The following MUC6 variants were observed in gnomAD, a reference collection of about 807,000 sequenced individuals.
MUC6 encodes mucin 6, oligomeric mucus/gel-forming (gene/pseudogene).
Under a neutral mutation model 201.5 loss-of-function variants are expected in MUC6, and 188 were observed. The observed-to-expected ratio is 0.93, with a 90% CI of 0.83 to 1.05. The LOEUF is 1.05. Among genes scored for constraint, MUC6 ranks in the 50% least tolerant of loss-of-function variants. The probability of loss-of-function intolerance (pLI) is 0.00; values close to 1 mark genes in which losing one functional copy is unlikely to be tolerated. For missense variants in MUC6, 2,706 were observed against 3,256.9 expected (o/e 0.83, Z 4.12); for synonymous variants, 1,228 against 1,389.4 (o/e 0.88, Z 2.58).
intron 2 of MUC6, among the ~76,000 whole-genome samples, chr11:1,032,542 T>C (rs1285783257): frequency 6.7e-6 from 1 of 148,992 alleles, no homozygotes; most frequent in Non-Finnish European, 1.5e-5. Context: ...GTCTCAGGTG[T>C]GTAGGGTGTG....
chr11:1,020,066 T>C (rs1382822505), intron 29 of MUC6, 24 bp downstream of exon 29: 1 of 1,611,484 alleles, frequency 6.2e-7, no homozygotes, highest in African/African-American at 1.3e-5. Context: ...GCCCTCTCCA[T>C]GGGCTCAGCT....
chr11:1,031,564 G>T, intron 4 of MUC6, 43 bp downstream of exon 4: 1 of 1,536,902 alleles, frequency 6.5e-7, no homozygotes. Context: ...CTGCCCCCCC[G>T]TGCTGCGGGT....
At chr11:1,025,114 G>A in intron 23 of MUC6, 31 bp from the exon 24 acceptor site, 1 of 1,612,262 alleles carries the variant, frequency 6.2e-7, no homozygotes, top group Non-Finnish European at 8.5e-7. Context: ...CCGGGCCCAG[G>A]GGCCGTGCCA....
rs777266571 is a variant in MUC6 at position 1,026,419 on chromosome 11, G to A, written c.2454C>T (p.Asp818=). ...VCAEGLYENA[D]GQCVPPEECP... ...ACTCCTCGGGGGGCACACACTGCCC[G>A]TCGGCATTCTCGTAGAGGCCCTCGG... The change falls in exon 20 of 33, where the codon GAC becomes GAT. Residue 818 remains aspartate (D), a synonymous_variant. Transcript: ENST00000421673. 1.3e-5 allele frequency: 21 copies of A among 1,608,540 alleles called. No individual in the cohort carries two copies. Among genetic ancestry groups the A allele is most frequent in the East Asian group, 1.1e-4 (5 of 44,816 alleles).
At chr11:1,035,221 G>A (rs769450834) in intron 1 of MUC6, among the ~76,000 whole-genome samples, 15 of 152,294 alleles carry the variant, frequency 9.8e-5, no homozygotes, top group South Asian at 2.1e-4. Context: ...CTGGGGTGAC[G>A]GGTGGACACC....
rs370925897 is a variant in MUC6, at chr11:1,019,419, C to T, written c.3886G>A (p.Ala1296Thr). The T allele has an allele frequency of 1.9e-6, 3 of 1,613,712 alleles. No homozygotes were observed. Among genetic ancestry groups the T allele is most frequent in the African/African-American group, 1.3e-5 (1 of 74,848 alleles). Residue 1296 changes from alanine (A) to threonine (T), a missense_variant, in exon 30 of 33, where the codon GCC (alanine) becomes ACC (threonine). Physicochemically the swap from Ala to Thr is moderately conservative, Grantham distance 58. Coordinates refer to ENST00000421673, the MANE Select transcript of MUC6 (RefSeq NM_005961.3). ...LPPTATLRST[A>T]TKPTVTQATT... is the part of the protein sequence containing the mutation. ...GCCTGGGTCACTGTGGGTTTTGTGG[C>T]TGTCGATCTCAGTGTGGCTGTGGGA...
intron 11 of MUC6, 37 bp downstream of exon 11, chr11:1,029,009 G>A (rs1857034461): frequency 1.9e-6 from 3 of 1,612,214 alleles, no homozygotes; most frequent in Non-Finnish European, 2.5e-6. Context: ...AGGGAGCGGA[G>A]CCCTGCTGGC....
chr11:1,016,305 C>G lies in MUC6; in HGVS notation c.6496G>C (p.Val2166Leu), dbSNP rs371279050. 9 of 1,610,690 alleles carry G rather than the reference C, an allele frequency of 5.6e-6. No individual in the cohort carries two copies. In the Admixed American group the frequency reaches 1.3e-4, roughly 24 times the overall value. ...GTTGTGGAGTGCACGGGGGCGGACA[C>G]GAAAGAGGAAGATGTGCCAACAGAA... ...SPSVGTSSSF[V>L]SAPVHSTTLS... The change falls in exon 31 of 33, where the codon GTG (valine) becomes CTG (leucine). Residue 2166 changes from valine to leucine, a missense_variant. Transcript: ENST00000421673.
At chr11:1,029,401 C>A (rs1857048703) in intron 9 of MUC6, 35 bp from the exon 10 acceptor site, 1 of 1,592,968 alleles carries the variant, frequency 6.3e-7, no homozygotes, top group Non-Finnish European at 8.5e-7. Flanking sequence ...GCATGGTGGG[C>A]AGGGCCGCTG....
Position 1,017,879 on chromosome 11 carries a change from G to A in MUC6, c.4922C>T (p.Thr1641Ile), listed in dbSNP as rs755141265. ...TGGCATTGAGTGGATGGAGGCAGAA[G>A]TGGCCATCTGTGCATGGGTAGGGGT... ...VITPTHAQMA[T>I]SASIHSMPTG... Residue 1641 changes from threonine to isoleucine, a missense_variant, in exon 31 of 33, where the codon ACT (threonine) becomes ATT (isoleucine). Physicochemically the swap from Thr to Ile is moderately conservative, Grantham distance 89. Coordinates refer to ENST00000421673, the MANE Select transcript of MUC6 (RefSeq NM_005961.3). 8.1e-6 allele frequency: 13 copies of A among 1,614,040 alleles called. No homozygotes were observed. In the African/African-American group the frequency reaches 1.3e-4, roughly 17 times the overall value.
intron 26 of MUC6, among the ~76,000 whole-genome samples, chr11:1,022,676 T>G (rs1856843407): frequency 6.6e-6 from 1 of 152,234 alleles, no homozygotes; most frequent in Non-Finnish European, 1.5e-5. Flanking sequence ...GTTTGTTTTG[T>G]GTAAGGCCAG....
chr11:1,020,801 G>T, intron 27 of MUC6, 67 bp from the exon 28 acceptor site: 1 of 1,572,482 alleles, frequency 6.4e-7, no homozygotes, highest in South Asian at 1.1e-5. Flanking sequence ...GCCTCTGGGA[G>T]CTCCGAGGGC....
At position 1,019,325 on chromosome 11, in the gene MUC6, G is replaced by A. The variant is rs745956631; in HGVS notation, c.3980C>T (p.Thr1327Ile). 16 of 1,614,054 alleles carry A rather than the reference G, an allele frequency of 9.9e-6. No individual in the cohort carries two copies. The highest frequency in any genetic ancestry group is 1.4e-5 in the Non-Finnish European group (16 of 1,179,906). The change falls in exon 30 of 33, where the codon ACC becomes ATC. Residue 1327 changes from threonine to isoleucine, a missense_variant. This residue lies in a region of MUC6 where 1,850 missense variants were observed against 1,958.3 expected (regional missense o/e 0.94). Coordinates refer to ENST00000421673, the MANE Select transcript of MUC6 (RefSeq NM_005961.3). ...GGCTGGGGTTGGTAGTGTCATTGTG[G>A]TCCGTGTTGTGGACTGAGCTGTGGA... ...TTSTAQSTTRTTMTLPTPATS... is the reference protein window; with the variant it reads ...TTSTAQSTTRITMTLPTPATS...
intron 26 of MUC6, among the ~76,000 whole-genome samples, 181 bp from the exon 27 acceptor site, chr11:1,021,458 C>T (rs912770816): frequency 4.6e-5 from 7 of 151,734 alleles, no homozygotes; most frequent in Middle Eastern, 3.4e-3. Flanking sequence ...GCAACCTCTG[C>T]CTCCTGGATT....
At position 1,026,359 on chromosome 11, in the gene MUC6, T is replaced by A. The variant is rs772981562; in HGVS notation, c.2514A>T (p.Gly838=). ...TGCAGTCAGTGTGGAGCTCAGCTCC[T>A]CCAGGGTAGGAGACCCCCGAGAACT... ...PCEFSGVSYP[G]GAELHTDCRT... The change falls in exon 20 of 33, where the codon GGA becomes GGT. Residue 838 remains glycine, a synonymous_variant. Transcript: ENST00000421673. 2.5e-6 allele frequency: 4 copies of A among 1,598,908 alleles called. No homozygotes were observed. The highest frequency in any genetic ancestry group is 3.4e-6 in the Non-Finnish European group (4 of 1,173,358).
At chr11:1,023,874 C>T (rs2133825704) in intron 25 of MUC6, 73 bp downstream of exon 25, 2 of 1,543,944 alleles carry the variant, frequency 1.3e-6, no homozygotes, top group Non-Finnish European at 1.8e-6. Flanking sequence ...TGGGCAAGGG[C>T]AGCCCTGCGC....
intron 24 of MUC6, 90 bp downstream of exon 24, chr11:1,024,754 A>G (rs1856909540): frequency 6.7e-7 from 1 of 1,499,486 alleles, no homozygotes; most frequent in Non-Finnish European, 8.9e-7. Context: ...CCACGGAGGG[A>G]GAACCGTGCC....
intron 1 of MUC6, among the ~76,000 whole-genome samples, chr11:1,035,612 G>C (rs547386084): frequency 6.6e-6 from 1 of 152,016 alleles, no homozygotes; most frequent in South Asian, 2.1e-4. Flanking sequence ...GGTGGTGCCC[G>C]GCGTGGTGGG....
At position 1,032,308 on chromosome 11, in the gene MUC6, C is replaced by T. The variant is rs183268543; in HGVS notation, c.116-255G>A. Among the ~76,000 whole-genome samples the T allele has an allele frequency of 9.2e-5, 14 of 151,930 alleles. No homozygotes were observed. In the East Asian group the frequency reaches 1.4e-3, roughly 15 times the overall value. On this transcript the variant is annotated intron_variant, in intron 2 of 32. Transcript: ENST00000421673. ...TGTTGTGTGTGTGCACGTGTGTGCA[C>T]GTATGTGCGTGTCTCGGGTGTGTGC... is the stretch of plus-strand genomic sequence containing the variant.
Sources: gnomAD v4.1 joint callset for allele counts (sites outside exome capture counted in the v4.1 genomes callset) on GRCh38, gnomAD v4.1.1 for gene constraint, gnomAD v4.1.1 regional missense constraint, MANE v1.5 for transcripts, NCBI Gene and HGNC (gene_info 2026-07-23, HGNC 2026-07-21) for gene names.